SEMA3C: variants seen among roughly 807,000 people sequenced by gnomAD.
SEMA3C encodes the protein semaphorin 3C.
In SEMA3C, 47 loss-of-function variants were observed where a neutral mutation model predicts 89.4. That is an observed-to-expected ratio of 0.53 (90% confidence interval 0.42 to 0.67). SEMA3C has a LOEUF of 0.67. SEMA3C is among the 30% of genes least tolerant of loss of function. SEMA3C has a pLI of 0.00. For missense variants in SEMA3C, 839 were observed against 929.1 expected, an observed-to-expected ratio of 0.90 and a Z score of 1.26; for synonymous variants, 310 against 320.2, an observed-to-expected ratio of 0.97 and a Z score of 0.34.
rs2116260582 is a variant in SEMA3C, at chr7:80,916,818, A to T, written c.-37T>A. On this transcript the variant is annotated splice_region_variant and 5_prime_UTR_variant, in exon 2 of 18. Transcript: ENST00000265361. ...TGCAAGTTAATATCCAAGGGAAAAT[A>T]CCTTTAAGAGAGAGACAACATGTTT... 2 of 1,610,734 alleles carry T rather than the reference A, an allele frequency of 1.2e-6. No individual in the cohort carries two copies. Among genetic ancestry groups the T allele is most frequent in the East Asian group, 4.5e-5 (2 of 44,774 alleles).
At chr7:80,815,315 A>G (rs936525771) in intron 5 of SEMA3C, among the ~76,000 whole-genome samples, 1 of 152,104 alleles carries the variant, frequency 6.6e-6, no homozygotes, top group African/African-American at 2.4e-5. Context: ...GAGGGAGTCA[A>G]TTTGGTCACT....
chr7:80,800,481 A>T (rs1562880933), intron 10 of SEMA3C, among the ~76,000 whole-genome samples: 1 of 152,174 alleles, frequency 6.6e-6, no homozygotes, highest in Non-Finnish European at 1.5e-5. Context: ...TATTGAAAAA[A>T]TCACGTATTT....
At position 80,821,971 on chromosome 7, in the gene SEMA3C, A is replaced by G. The variant is rs941327647; in HGVS notation, c.328-3553T>C. Among the ~76,000 whole-genome samples, 4 of 152,306 alleles carry G rather than the reference A, an allele frequency of 2.6e-5. No homozygotes were observed. The South Asian group carries it at 8.3e-4, about 32-fold the overall frequency. ...CCCTCCCCACACACAAGACCACAAA[A>G]GGAAAAACAATTCAGCTGAGTTAAC... On this transcript the variant is annotated intron_variant, in intron 4 of 17. Coordinates refer to ENST00000265361, the MANE Select transcript of SEMA3C (RefSeq NM_006379.5).
At chr7:80,799,570 C>T (rs1369886246) in intron 10 of SEMA3C, among the ~76,000 whole-genome samples, 4 of 152,080 alleles carry the variant, frequency 2.6e-5, no homozygotes, top group Non-Finnish European at 4.4e-5. Context: ...TGGCCAGGCA[C>T]GGTGGCTCAT....
intron 11 of SEMA3C, among the ~76,000 whole-genome samples, chr7:80,789,932 C>T (rs1009017625): frequency 6.6e-6 from 1 of 152,096 alleles, no homozygotes; most frequent in African/African-American, 2.4e-5. Flanking sequence ...TAAATTCAGT[C>T]AAACTCTGAC....
At chr7:80,905,957 T>C in intron 2 of SEMA3C, 1 of 1,198,370 alleles carries the variant, frequency 8.3e-7, no homozygotes, top group Non-Finnish European at 1.1e-6. Context: ...TTTGTTTTGT[T>C]TTTTTTTTAA....
intron 2 of SEMA3C, among the ~76,000 whole-genome samples, chr7:80,876,255 T>A (rs897805796): frequency 1.3e-5 from 2 of 152,218 alleles, no homozygotes; most frequent in Non-Finnish European, 2.9e-5. Flanking sequence ...AGCTCCATAA[T>A]AAGTGTATTT....
intron 2 of SEMA3C, among the ~76,000 whole-genome samples, chr7:80,840,272 CATT>C (rs1287377844): frequency 6.6e-6 from 1 of 151,970 alleles, no homozygotes; most frequent in Non-Finnish European, 1.5e-5. Context: ...GTAATCCGAA[CATT>C]ATGGGAGGCA....
chr7:80,751,692 C>T (rs1449455345), intron 15 of SEMA3C, among the ~76,000 whole-genome samples: 2 of 152,140 alleles, frequency 1.3e-5, no homozygotes, highest in African/African-American at 4.8e-5. Flanking sequence ...AAAACAATAA[C>T]ATCCAAAGTA....
rs1789442757 is a variant in SEMA3C, at chr7:80,810,532, T to G, written c.538+79A>C. On this transcript the variant is annotated intron_variant, in intron 6 of 17. Coordinates refer to ENST00000265361, the MANE Select transcript of SEMA3C (RefSeq NM_006379.5). Reference sequence around the variant, plus strand: ...TCACATACTATCATCCACACAACCATCAAGAATAGGTATACCATGTCAAGC... The same window carrying G: ...TCACATACTATCATCCACACAACCAGCAAGAATAGGTATACCATGTCAAGC... 8 of 1,093,860 alleles carry G rather than the reference T, an allele frequency of 7.3e-6. No individual in the cohort carries two copies. In the South Asian group the frequency reaches 1.1e-4, roughly 15 times the overall value. 67.8% of individuals were successfully genotyped at this position (1,093,860 alleles called of 1,614,324 possible).
chr7:80,870,209 T>C (rs1157079877), intron 2 of SEMA3C, among the ~76,000 whole-genome samples: 3 of 152,170 alleles, frequency 2.0e-5, no homozygotes, highest in Non-Finnish European at 2.9e-5. Context: ...TGCAATTACC[T>C]TGCCCCACCT....
chr7:80,765,358 C>G, intron 12 of SEMA3C, 115 bp from the exon 13 acceptor site: 1 of 725,580 alleles, frequency 1.4e-6, no homozygotes, highest in Non-Finnish European at 2.3e-6. Context: ...AATCAAAAAA[C>G]ATTGTATGTA....
Position 80,749,007 on chromosome 7 carries a change from AT to A in SEMA3C, c.1732del (p.Ile578LeufsTer6). 1 of 1,607,272 alleles carries A rather than the reference AT, an allele frequency of 6.2e-7. No homozygotes were observed. Among genetic ancestry groups the A allele is most frequent in the Non-Finnish European group, 8.5e-7 (1 of 1,177,858 alleles). On this transcript the variant is annotated frameshift_variant, in exon 17 of 18. Coordinates refer to ENST00000265361, the MANE Select transcript of SEMA3C (RefSeq NM_006379.5). LOFTEE classifies it high-confidence loss of function. ...GTTATTTTTTACTCCATACTGGACA[AT>A]TTCAGCTGCATTTCTGTATGCTAGC... ...NLKAYRNAAEIVQYGVKNNTT... is the reference protein window; with the variant it reads ...NLKAYRNAAEXVQYGVKNNTT...
intron 11 of SEMA3C, among the ~76,000 whole-genome samples, chr7:80,793,144 A>G (rs1225378024): frequency 1.3e-5 from 2 of 152,168 alleles, no homozygotes; most frequent in Non-Finnish European, 2.9e-5. Flanking sequence ...CTATTTGTTT[A>G]TCAAGCAGTG....
intron 12 of SEMA3C, among the ~76,000 whole-genome samples, chr7:80,769,500 A>G (rs1387505476): frequency 6.6e-6 from 1 of 152,192 alleles, no homozygotes. Flanking sequence ...CTCACAACAA[A>G]CATACTTTAT....
At chr7:80,886,176 T>G (rs1791470286) in intron 2 of SEMA3C, among the ~76,000 whole-genome samples, 1 of 152,128 alleles carries the variant, frequency 6.6e-6, no homozygotes, top group Non-Finnish European at 1.5e-5. Flanking sequence ...GCAAATTAAT[T>G]TATATTATTG....
chr7:80,887,318 T>C (rs1392157287), intron 2 of SEMA3C, among the ~76,000 whole-genome samples: 1 of 152,172 alleles, frequency 6.6e-6, no homozygotes, highest in Non-Finnish European at 1.5e-5. Context: ...AGGAAACAAG[T>C]CAATAAATAG....
intron 2 of SEMA3C, among the ~76,000 whole-genome samples, chr7:80,837,263 A>C (rs950730920): frequency 6.6e-6 from 1 of 152,342 alleles, no homozygotes; most frequent in African/African-American, 2.4e-5. Context: ...AGGAATGCTA[A>C]GTTTTCTGGG....
intron 2 of SEMA3C, among the ~76,000 whole-genome samples, chr7:80,843,881 G>A (rs928421606): frequency 6.6e-6 from 1 of 152,092 alleles, no homozygotes; most frequent in Admixed American, 6.6e-5. Context: ...TACCCAGTCT[G>A]CCTAATTTAA....
Sources: gnomAD v4.1 joint callset for allele counts (sites outside exome capture counted in the v4.1 genomes callset) on GRCh38, gnomAD v4.1.1 for gene constraint, MANE v1.5 for transcripts, NCBI Gene and HGNC (gene_info 2026-07-23, HGNC 2026-07-21) for gene names.